P3H2: variants seen among roughly 807,000 people sequenced by gnomAD.
P3H2 encodes the protein prolyl 3-hydroxylase 2.
A neutral mutation model predicts 87.0 loss-of-function variants in P3H2; 80 were observed. The ratio of observed to expected loss-of-function variants is 0.92; its 90% CI spans 0.77 to 1.11. The LOEUF (loss-of-function observed/expected upper bound fraction) is 1.11. P3H2 is among the 50% of genes least tolerant of loss of function. The probability of loss-of-function intolerance (pLI) is 0.00; values close to 1 mark genes in which losing one functional copy is unlikely to be tolerated. For missense variants in P3H2, 1,001 were observed against 923.9 expected (o/e 1.08, Z -1.08); for synonymous variants, 367 against 359.3 (o/e 1.02, Z -0.24).
chr3:190,047,142 G>T (rs1725833494), intron 1 of P3H2, among the ~76,000 whole-genome samples: 1 of 152,030 alleles, frequency 6.6e-6, no homozygotes, highest in Non-Finnish European at 1.5e-5. Flanking sequence ...AAATGAAAAG[G>T]TGCTCAACAT....
At chr3:190,109,201 T>C (rs74910287) in intron 1 of P3H2, among the ~76,000 whole-genome samples, 4,644 of 152,342 alleles carry the variant, frequency 0.03, 200 homozygotes, top group African/African-American at 0.1. Flanking sequence ...TAATTGCTTT[T>C]GGCTTTCCTT....
rs1186115983 is a variant in P3H2, at chr3:189,966,127, G to GAA, written c.1894-2031_1894-2030dup. Reference sequence around the variant, plus strand: ...GAAAAAAGAAAGAAAGAAAGAAAAAGAAAGAAAGAAAGAAAGAAAGAAAGA... The same window carrying GAA: ...GAAAAAAGAAAGAAAGAAAGAAAAAGAAAAAGAAAGAAAGAAAGAAAGAAAGA... On this transcript the variant is annotated intron_variant, in intron 13 of 14. Transcript: ENST00000319332. 6.7e-3 allele frequency among the ~76,000 whole-genome samples: 233 copies of GAA among 34,540 alleles called. 3 individuals carry two copies. The highest frequency in any genetic ancestry group is 0.022 in the African/African-American group (221 of 10,006). The allele number at this position is 34,540 out of a possible 152,430, so 22.7% of individuals were successfully genotyped here.
At chr3:190,106,931 G>C (rs936221234) in intron 1 of P3H2, among the ~76,000 whole-genome samples, 1 of 152,044 alleles carries the variant, frequency 6.6e-6, no homozygotes, top group African/African-American at 2.4e-5. Flanking sequence ...ATAATACCGG[G>C]TACACAGTAA....
In P3H2 at chr3:190,007,965, C is replaced by CACACACACACATATATATAT; in HGVS notation, c.481-12524_481-12523insATATATATATGTGTGTGTGT. On this transcript the variant is annotated intron_variant, in intron 1 of 14. Coordinates refer to ENST00000319332, the MANE Select transcript of P3H2 (RefSeq NM_018192.4). ...GCCTGAGACTCTATTTGTTGACACA[C>CACACACACACATATATATAT]ATATATATATATATATATATAGTAA... Among the ~76,000 whole-genome samples the CACACACACACATATATATAT allele has an allele frequency of 4.8e-3, 450 of 94,346 alleles. 5 individuals are homozygous for CACACACACACATATATATAT. The highest frequency in any genetic ancestry group is 0.016 in the African/African-American group (413 of 25,622). The allele number at this position is 94,346 out of a possible 152,430, so 61.9% of individuals were successfully genotyped here.
Position 190,120,480 on chromosome 3 carries a change from A to AC in P3H2, c.251dup (p.Cys84TrpfsTer23), listed in dbSNP as rs1223399412. ...GGTGGCGCGCCGCGCAGTGGCGGGC[A>AC]CAGCGCGTGCGGATTTCCCGCAGGC... On this transcript the variant is annotated frameshift_variant, in exon 1 of 15. Coordinates refer to ENST00000319332, the MANE Select transcript of P3H2 (RefSeq NM_018192.4). LOFTEE classifies it high-confidence loss of function. 1 of 1,440,428 alleles carries AC rather than the reference A, an allele frequency of 6.9e-7. No homozygotes were observed. Among genetic ancestry groups the AC allele is most frequent in the African/African-American group, 1.5e-5 (1 of 67,634 alleles). 89.2% of individuals were successfully genotyped at this position (1,440,428 alleles called of 1,614,324 possible).
Position 189,957,923 on chromosome 3 carries a change from C to A in P3H2, c.2116G>T (p.Asp706Tyr). The A allele has an allele frequency of 6.2e-7, 1 of 1,602,666 alleles. No individual in the cohort carries two copies. The highest frequency in any genetic ancestry group is 1.1e-5 in the South Asian group (1 of 90,840). The stretch of plus-strand genomic sequence containing the variant: ...ATTCTTTCTCATTTTTATAGCTCAT[C>A]TTTAGGGTTGATATTCAGTTCATGC... ...GKHELNINPK[D>Y]EL Residue 706 changes from aspartate (D) to tyrosine (Y), a missense_variant, in exon 15 of 15, where the codon GAT becomes TAT. By Grantham distance (160) the Asp-to-Tyr change is radical. Transcript: ENST00000319332.
At chr3:190,019,563 T>TAGGTGACTGCTGGTCCCCTCCTC (rs1225429965) in intron 1 of P3H2, among the ~76,000 whole-genome samples, 24 of 135,810 alleles carry the variant, frequency 1.8e-4, no homozygotes, top group South Asian at 7.7e-4. Flanking sequence ...ATGCTCATTA[T>TAGGTGACTGCTGGTCCCCTCCTC]CGTTTCTATT....
chr3:189,973,321 G>T (rs1723234339), intron 10 of P3H2: 1 of 326,558 alleles, frequency 3.1e-6, no homozygotes. Context: ...GTTTGAATAT[G>T]TTTTCACTAT....
chr3:190,058,564 A>G (rs1319664525), intron 1 of P3H2, among the ~76,000 whole-genome samples: 2 of 152,192 alleles, frequency 1.3e-5, no homozygotes, highest in East Asian at 3.9e-4. Flanking sequence ...CCAGGAATGG[A>G]AAGGGTGAAA....
At chr3:190,116,890 A>T (rs968522487) in intron 1 of P3H2, among the ~76,000 whole-genome samples, 4 of 152,196 alleles carry the variant, frequency 2.6e-5, no homozygotes, top group Admixed American at 6.5e-5. Context: ...GCAAATTCCC[A>T]ACATGCCAGG....
intron 1 of P3H2, among the ~76,000 whole-genome samples, chr3:190,049,680 C>G (rs1725914048): frequency 6.6e-6 from 1 of 152,142 alleles, no homozygotes; most frequent in Non-Finnish European, 1.5e-5. Flanking sequence ...AAAACCCACC[C>G]TCGGCTACAT....
intron 1 of P3H2, among the ~76,000 whole-genome samples, chr3:190,096,597 A>C (rs1473611978): frequency 6.6e-6 from 1 of 152,244 alleles, no homozygotes; most frequent in Non-Finnish European, 1.5e-5. Context: ...CTTAAGAAAG[A>C]AAGAGAAGCA....
rs540342588 is a variant in P3H2, at chr3:190,054,059, G to A, written c.481-58617C>T. On this transcript the variant is annotated intron_variant, in intron 1 of 14. Transcript: ENST00000319332. ...AAATCAGCTGGCCATATATGCAGGG[G>A]CTTTATCTGCACTGTATTCTAATGT... is the stretch of plus-strand genomic sequence containing the variant. Among the ~76,000 whole-genome samples, 434 of 152,124 alleles carry A rather than the reference G, an allele frequency of 2.9e-3. 3 individuals are homozygous for A. Among genetic ancestry groups the A allele is most frequent in the African/African-American group, 0.01 (417 of 41,490 alleles).
intron 1 of P3H2, among the ~76,000 whole-genome samples, chr3:190,042,701 G>C (rs576026074): frequency 7.2e-5 from 11 of 152,260 alleles, no homozygotes; most frequent in Admixed American, 6.5e-5. Context: ...CAAAGGAATG[G>C]TTCCTATTTT....
rs762755617 is a variant in P3H2 at position 189,972,892 on chromosome 3, A to C, written c.1681T>G (p.Cys561Gly). ...TLYFSYTHMV[C>G]RTALSGQQDR... ...ATCTCACCAGACAGGGCTGTTCGGC[A>C]GACCATGTGTGTATAGGAAAAATAC... Residue 561 changes from cysteine to glycine, a missense_variant, in exon 11 of 15, where the codon TGC (cysteine) becomes GGC (glycine). Coordinates refer to ENST00000319332, the MANE Select transcript of P3H2 (RefSeq NM_018192.4). 4 of 1,614,160 alleles carry C rather than the reference A, an allele frequency of 2.5e-6. No homozygotes were observed. The highest frequency in any genetic ancestry group is 1.7e-6 in the Non-Finnish European group (2 of 1,180,002).
At chr3:190,119,674 G>A (rs1241139781) in intron 1 of P3H2, among the ~76,000 whole-genome samples, 1 of 152,124 alleles carries the variant, frequency 6.6e-6, no homozygotes, top group Non-Finnish European at 1.5e-5. Context: ...AAACAGCTTC[G>A]CCTCCTCCAA....
At chr3:190,088,464 T>C (rs149225443) in intron 1 of P3H2, among the ~76,000 whole-genome samples, 1 of 148,424 alleles carries the variant, frequency 6.7e-6, no homozygotes, top group East Asian at 2.0e-4. Context: ...CACTGATGTA[T>C]AAAGAAAACA....
chr3:190,009,539 C>A (rs921952416), intron 1 of P3H2, among the ~76,000 whole-genome samples: 1 of 152,114 alleles, frequency 6.6e-6, no homozygotes, highest in African/African-American at 2.4e-5. Flanking sequence ...GTAGGGCATC[C>A]CAATAAGGTA....
intron 1 of P3H2, among the ~76,000 whole-genome samples, chr3:190,089,825 T>C (rs752010985): frequency 2.6e-5 from 4 of 152,138 alleles, no homozygotes; most frequent in Non-Finnish European, 5.9e-5. Context: ...AAGACTTGCA[T>C]ACCACAAGGC....
Sources: gnomAD v4.1 joint callset for allele counts (sites outside exome capture counted in the v4.1 genomes callset) on GRCh38, gnomAD v4.1.1 for gene constraint, MANE v1.5 for transcripts, NCBI Gene and HGNC (gene_info 2026-07-23, HGNC 2026-07-21) for gene names.